The following NAA60 variants were observed in gnomAD, a reference collection of about 807,000 sequenced individuals.
The protein encoded by NAA60 is N-alpha-acetyltransferase 60, NatF catalytic subunit, also known as N-alpha-acetyltransferase 60.
In NAA60, 8 loss-of-function variants were observed where a neutral mutation model predicts 26.1. The ratio of observed to expected loss-of-function variants is 0.31; its 90% CI spans 0.18 to 0.55. NAA60 has a LOEUF of 0.55. NAA60 is among the 20% of genes least tolerant of loss of function. The pLI is 0.93. For missense variants in NAA60, 290 were observed against 311.3 expected, an observed-to-expected ratio of 0.93 and a Z score of 0.51; for synonymous variants, 131 against 122.5, an observed-to-expected ratio of 1.07 and a Z score of -0.46.
chr16:3,461,610 T>TA (rs552461846), intron 2 of NAA60, among the ~76,000 whole-genome samples: 65 of 152,302 alleles, frequency 4.3e-4, no homozygotes, highest in African/African-American at 1.3e-3. Context: ...AATGGACTCT[T>TA]AAACCCCCAT....
At chr16:3,444,007 G>A in intron 1 of NAA60, 170 bp downstream of exon 1, 2 of 1,292,976 alleles carry the variant, frequency 1.5e-6, no homozygotes, top group Non-Finnish European at 2.0e-6. Flanking sequence ...CGTTCACAAC[G>A]TTCACATCGG....
At chr16:3,452,038 ACT>A (rs1446264116) in intron 2 of NAA60, among the ~76,000 whole-genome samples, 2 of 150,802 alleles carry the variant, frequency 1.3e-5, no homozygotes. Context: ...ATATAGTGAG[ACT>A]CTGCCTCTAC....
chr16:3,453,694 C>T (rs988934759), intron 2 of NAA60, among the ~76,000 whole-genome samples: 1 of 152,134 alleles, frequency 6.6e-6, no homozygotes, highest in African/African-American at 2.4e-5. Context: ...AGGTGTGAGC[C>T]ACTGCACCCA....
intron 6 of NAA60, 127 bp from the exon 7 acceptor site, chr16:3,484,572 C>T (rs2037055088): frequency 3.2e-6 from 4 of 1,257,550 alleles, no homozygotes; most frequent in South Asian, 2.9e-5. Flanking sequence ...GCTTAGCGGG[C>T]TCTCAGCCTC....
At chr16:3,444,264 A>G (rs2034460813) in intron 1 of NAA60, among the ~76,000 whole-genome samples, 1 of 151,986 alleles carries the variant, frequency 6.6e-6, no homozygotes, top group Admixed American at 6.5e-5. Flanking sequence ...GGCATTTGGA[A>G]TTGGAAAATT....
chr16:3,476,090 C>T, intron 2 of NAA60, 132 bp from the exon 3 acceptor site: 3 of 640,152 alleles, frequency 4.7e-6, no homozygotes, highest in Admixed American at 2.8e-5. Flanking sequence ...GAGGCAGAGG[C>T]CTCTGAGTGC....
intron 2 of NAA60, among the ~76,000 whole-genome samples, chr16:3,449,706 A>G (rs981262114): frequency 6.6e-6 from 1 of 152,080 alleles, no homozygotes; most frequent in East Asian, 1.9e-4. Context: ...CTGTGTCCCC[A>G]CCCAAATCTC....
chr16:3,444,285 C>T (rs905233479), intron 1 of NAA60, among the ~76,000 whole-genome samples: 1 of 152,112 alleles, frequency 6.6e-6, no homozygotes, highest in Admixed American at 6.5e-5. Flanking sequence ...GAGCTCCTCC[C>T]CAAGCTCTGC....
intron 3 of NAA60, among the ~76,000 whole-genome samples, chr16:3,476,694 T>G (rs2036504978): frequency 1.3e-5 from 2 of 152,036 alleles, no homozygotes; most frequent in South Asian, 4.1e-4. Flanking sequence ...CATATAAAAG[T>G]GCAATATTAT....
In NAA60 at chr16:3,460,264, C is replaced by T. The variant is rs192129827; in HGVS notation, c.-7+11724C>T. Among the ~76,000 whole-genome samples the T allele has an allele frequency of 3.8e-3, 582 of 152,286 alleles. 2 individuals are homozygous for T. The highest frequency in any genetic ancestry group is 6.3e-3 in the Non-Finnish European group (431 of 68,030). ...GACACTGTTTTCTTAAATGGCAGCTCCTCCACATCTGCGTCATCTCCATTA... is the reference window on the plus strand; with the variant it reads ...GACACTGTTTTCTTAAATGGCAGCTTCTCCACATCTGCGTCATCTCCATTA... On this transcript the variant is annotated intron_variant, in intron 2 of 7. Transcript: ENST00000407558.
chr16:3,450,345 C>T (rs1479691961), intron 2 of NAA60, among the ~76,000 whole-genome samples: 1 of 152,076 alleles, frequency 6.6e-6, no homozygotes, highest in Non-Finnish European at 1.5e-5. Flanking sequence ...AAAATGTTCT[C>T]AGGGTCTGCC....
intron 2 of NAA60, among the ~76,000 whole-genome samples, chr16:3,463,382 T>C (rs1165024864): frequency 6.9e-6 from 1 of 144,452 alleles, no homozygotes; most frequent in Non-Finnish European, 1.5e-5. Flanking sequence ...ACCCCGTCTC[T>C]ACAAAAAAAA....
chr16:3,454,451 T>A (rs2034898410), intron 2 of NAA60, among the ~76,000 whole-genome samples: 1 of 152,044 alleles, frequency 6.6e-6, no homozygotes, highest in Admixed American at 6.6e-5. Context: ...CAGACTCTCA[T>A]AAATAAGGAG....
At chr16:3,476,970 G>A (rs1458550078) in intron 3 of NAA60, among the ~76,000 whole-genome samples, 3 of 152,112 alleles carry the variant, frequency 2.0e-5, no homozygotes, top group Admixed American at 6.5e-5. Flanking sequence ...GAACCCAGGC[G>A]GTGGAGGTTG....
chr16:3,447,340 A>G, intron 1 of NAA60: 1 of 361,114 alleles, frequency 2.8e-6, no homozygotes, highest in Non-Finnish European at 3.9e-6. Flanking sequence ...AGGTGTATAT[A>G]TTTATGTGGT....
intron 2 of NAA60, among the ~76,000 whole-genome samples, chr16:3,452,990 G>A (rs1250794214): frequency 6.6e-6 from 1 of 152,132 alleles, no homozygotes; most frequent in East Asian, 1.9e-4. Flanking sequence ...CTATGTTGGT[G>A]AGGCTGCGGG....
intron 2 of NAA60, 172 bp from the exon 3 acceptor site, chr16:3,476,050 C>G (rs977019438): frequency 1.7e-6 from 1 of 583,308 alleles, no homozygotes; most frequent in African/African-American, 1.9e-5. Flanking sequence ...ATGGGGGCGA[C>G]TGCAGCGCCT....
At chr16:3,449,639 C>T (rs192726517) in intron 2 of NAA60, among the ~76,000 whole-genome samples, 56 of 152,258 alleles carry the variant, frequency 3.7e-4, no homozygotes, top group Admixed American at 3.1e-3. Flanking sequence ...GAGCTGAGAT[C>T]GCACCACTGC....
chr16:3,463,142 T>C (rs1264741432), intron 2 of NAA60, among the ~76,000 whole-genome samples: 1 of 152,170 alleles, frequency 6.6e-6, no homozygotes, highest in Non-Finnish European at 1.5e-5. Flanking sequence ...GAGTCAGCGC[T>C]GAGTCTATTT....
Sources: gnomAD v4.1 joint callset for allele counts (sites outside exome capture counted in the v4.1 genomes callset) on GRCh38, gnomAD v4.1.1 for gene constraint, MANE v1.5 for transcripts, NCBI Gene and HGNC (gene_info 2026-07-23, HGNC 2026-07-21) for gene names.